The following RAD54L2 variants were observed in gnomAD, a reference collection of about 807,000 sequenced individuals.
RAD54L2 encodes the protein RAD54 like 2.
Under a neutral mutation model 138.4 loss-of-function variants are expected in RAD54L2, and 27 were observed. That is an observed-to-expected ratio of 0.20 (90% CI 0.14 to 0.27). The LOEUF (loss-of-function observed/expected upper bound fraction) is 0.27. Ranked by LOEUF, RAD54L2 falls within the 10% of genes least tolerant of loss-of-function variation. The probability of loss-of-function intolerance (pLI) is 1.00; values close to 1 mark genes in which losing one functional copy is unlikely to be tolerated. For missense variants in RAD54L2, 1,396 were observed against 1,890.2 expected, an observed-to-expected ratio of 0.74 and a Z score of 4.85; for synonymous variants, 644 against 723.2, an observed-to-expected ratio of 0.89 and a Z score of 1.76.
intron 4 of RAD54L2, among the ~76,000 whole-genome samples, chr3:51,628,682 G>C (rs1365007693): frequency 6.7e-6 from 1 of 149,344 alleles, no homozygotes; most frequent in Non-Finnish European, 1.5e-5. Flanking sequence ...GAGCCACTGT[G>C]CCCGGCCAAT....
intron 3 of RAD54L2, among the ~76,000 whole-genome samples, chr3:51,593,251 A>T (rs978548268): frequency 1.3e-5 from 2 of 152,180 alleles, no homozygotes; most frequent in African/African-American, 4.8e-5. Flanking sequence ...GCTCACCCCA[A>T]CAATTATCTG....
intron 3 of RAD54L2, among the ~76,000 whole-genome samples, chr3:51,610,398 G>GT (rs1190668740): frequency 5.9e-5 from 9 of 152,186 alleles, no homozygotes; most frequent in Admixed American, 4.6e-4. Context: ...GAGGTCAGGA[G>GT]TTTGAGACCA....
intron 2 of RAD54L2, among the ~76,000 whole-genome samples, chr3:51,576,475 C>T (rs1248094670): frequency 6.6e-6 from 1 of 152,116 alleles, no homozygotes; most frequent in Non-Finnish European, 1.5e-5. Flanking sequence ...TCCATCTGGT[C>T]CTGGACTTTT....
intron 19 of RAD54L2, among the ~76,000 whole-genome samples, chr3:51,652,881 T>A (rs1701480316): frequency 6.6e-6 from 1 of 152,188 alleles, no homozygotes. Context: ...AAGGACTTCA[T>A]GACTAAAACA....
At position 51,638,662 on chromosome 3, in the gene RAD54L2, G is replaced by A. The variant is rs1701051691; in HGVS notation, c.1860+341G>A. The A allele has an allele frequency of 4.7e-6, 1 of 213,572 alleles. No individual in the cohort carries two copies. The highest frequency in any genetic ancestry group is 9.3e-6 in the Non-Finnish European group (1 of 107,152). The allele number at this position is 213,572 out of a possible 1,614,324, so 13.2% of individuals were successfully genotyped here. A position where few individuals can be genotyped will look rare whatever the true frequency, so the allele number is the denominator to read the frequency against. ...CAGAATTCAAGAGATATATAGCTTA[G>A]ACAAGTTATTAGGGGTACCTTCCAT... On this transcript the variant is annotated intron_variant, in intron 12 of 22. Transcript: ENST00000684192. This position sits in a 1 kb window ranked among gnomAD's most constrained non-coding sequence, Gnocchi z 4.3.
At chr3:51,610,657 A>AAAAAAAAAAAAAAAAAAC (rs1180965179) in intron 3 of RAD54L2, among the ~76,000 whole-genome samples, 1 of 151,278 alleles carries the variant, frequency 6.6e-6, no homozygotes, top group African/African-American at 2.4e-5. Context: ...AAAAAAAAAA[A>AAAAAAAAAAAAAAAAAAC]CAGAAAGAAT....
chr3:51,620,766 C>G (rs1192445057), intron 3 of RAD54L2, among the ~76,000 whole-genome samples: 1 of 152,168 alleles, frequency 6.6e-6, no homozygotes. Context: ...GTATTTGCAA[C>G]TAGGCCTGAT....
At chr3:51,545,247 A>G (rs1553672018) in intron 2 of RAD54L2, among the ~76,000 whole-genome samples, 3 of 151,450 alleles carry the variant, frequency 2.0e-5, no homozygotes, top group Non-Finnish European at 4.4e-5. Flanking sequence ...GCTGGAGTGC[A>G]GTGGTGTGAT....
chr3:51,609,547 T>C (rs946015113), intron 3 of RAD54L2, among the ~76,000 whole-genome samples: 1 of 152,240 alleles, frequency 6.6e-6, no homozygotes, highest in African/African-American at 2.4e-5. Context: ...ATAGCAATAT[T>C]CTTTAATTTG....
intron 3 of RAD54L2, among the ~76,000 whole-genome samples, chr3:51,616,146 C>T (rs941808495): frequency 2.6e-5 from 4 of 151,804 alleles, no homozygotes; most frequent in Non-Finnish European, 5.9e-5. Flanking sequence ...TAAATTATTC[C>T]CTTCTAGCTA....
chr3:51,550,913 G>T (rs989442861), intron 2 of RAD54L2, among the ~76,000 whole-genome samples: 10 of 152,050 alleles, frequency 6.6e-5, no homozygotes, highest in African/African-American at 1.9e-4. Context: ...CGGTGTGGTG[G>T]TACATGCCTG....
intron 3 of RAD54L2, among the ~76,000 whole-genome samples, chr3:51,615,038 A>G (rs1700413419): frequency 6.6e-6 from 1 of 150,436 alleles, no homozygotes; most frequent in South Asian, 2.1e-4. Context: ...TCTGTGATGG[A>G]GTTTTGCTCT....
rs1369082593 is a variant in RAD54L2, at chr3:51,664,838, G to A, written c.*1418G>A. On this transcript the variant is annotated 3_prime_UTR_variant, in exon 23 of 23. Coordinates refer to ENST00000684192, the MANE Select transcript of RAD54L2 (RefSeq NM_015106.4). ...TGCAATTGGGAAGTAAGAGACCCCA[G>A]ATTTGGAGCTGTGTCCTCCTGGGAT... The A allele has an allele frequency of 6.6e-6, 1 of 152,240 alleles. No individual in the cohort carries two copies. The highest frequency in any genetic ancestry group is 1.9e-4 in the East Asian group (1 of 5,204). 9.4% of individuals were successfully genotyped at this position (152,240 alleles called of 1,614,324 possible).
At chr3:51,631,242 G>C (rs1486456653) in intron 7 of RAD54L2, among the ~76,000 whole-genome samples, 2 of 152,104 alleles carry the variant, frequency 1.3e-5, no homozygotes, top group Non-Finnish European at 2.9e-5. Flanking sequence ...GTGCTCTCTG[G>C]TGAGCAGTGC....
rs780599650 is a variant in RAD54L2 at position 51,662,939 on chromosome 3, C to G, written c.3923C>G (p.Pro1308Arg). Residue 1308 changes from proline (P) to arginine (R), a missense_variant, in exon 23 of 23, where the codon CCC (proline) becomes CGC (arginine). By Grantham distance (103) the Pro-to-Arg change is moderately radical. Around this residue, in one of 7 missense-constraint regions of RAD54L2, gnomAD observed 634 missense variants for 711.2 expected, o/e 0.89. Transcript: ENST00000684192. The surrounding 1 kb of genome is among the most constrained non-coding windows in gnomAD (Gnocchi z 4.6). Reference protein sequence around the residue: ...PVSLNHNLTTPFTSQAGENSL... With the variant: ...PVSLNHNLTTRFTSQAGENSL... ...TCCTTAAACCATAACCTCACCACCC[C>G]CTTCACCTCCCAGGCTGGGGAGAAC... 9.9e-6 allele frequency: 16 copies of G among 1,613,962 alleles called. No homozygotes were observed. The South Asian group carries it at 1.8e-4, about 18-fold the overall frequency.
intron 2 of RAD54L2, among the ~76,000 whole-genome samples, chr3:51,582,910 C>A (rs905358719): frequency 3.9e-5 from 6 of 152,168 alleles, no homozygotes; most frequent in Admixed American, 2.6e-4. Context: ...GGACTACAGG[C>A]GCCCGCCACC....
intron 2 of RAD54L2, among the ~76,000 whole-genome samples, chr3:51,572,307 G>A (rs772948929): frequency 3.3e-5 from 5 of 152,046 alleles, no homozygotes; most frequent in Non-Finnish European, 7.4e-5. Flanking sequence ...ACAAAAATTA[G>A]CCAGGCGTTG....
chr3:51,634,577 C>A (rs1011890940), intron 9 of RAD54L2, among the ~76,000 whole-genome samples: 1 of 152,076 alleles, frequency 6.6e-6, no homozygotes, highest in South Asian at 2.1e-4. Flanking sequence ...GCCATGTTGG[C>A]CAGGCTGGTC....
intron 2 of RAD54L2, among the ~76,000 whole-genome samples, chr3:51,560,653 G>T (rs1699077737): frequency 6.6e-6 from 1 of 152,006 alleles, no homozygotes; most frequent in South Asian, 2.1e-4. Flanking sequence ...CACCGTGCCT[G>T]GCCCCCCAAA....
Sources: allele counts gnomAD v4.1 joint callset (sites outside exome capture counted in the v4.1 genomes callset), GRCh38; gene constraint gnomAD v4.1.1; regional missense constraint gnomAD v4.1.1; non-coding constraint Gnocchi (gnomAD v3.1); transcripts MANE v1.5; gene names NCBI Gene and HGNC (gene_info 2026-07-23, HGNC 2026-07-21).